PRKCB: variants seen among roughly 807,000 people sequenced by gnomAD.
PRKCB encodes protein kinase C beta type.
PRKCB carries 13 observed loss-of-function variants against 81.5 expected under a neutral mutation model. That is an observed-to-expected ratio of 0.16 (90% CI 0.10 to 0.25). The LOEUF (loss-of-function observed/expected upper bound fraction) is 0.25, where lower values mean the gene tolerates loss of function less well. PRKCB is among the 10% of genes least tolerant of loss of function. The pLI is 1.00. For missense variants in PRKCB, 509 were observed against 875.7 expected, an observed-to-expected ratio of 0.58 and a Z score of 5.29; for synonymous variants, 335 against 321.4, an observed-to-expected ratio of 1.04 and a Z score of -0.45.
At chr16:23,950,061 C>T (rs1351973277) in intron 2 of PRKCB, among the ~76,000 whole-genome samples, 4 of 147,404 alleles carry the variant, frequency 2.7e-5, no homozygotes, top group African/African-American at 7.4e-5. Flanking sequence ...CGCCGTGGGG[C>T]GGATGTGGCC....
intron 2 of PRKCB, among the ~76,000 whole-genome samples, chr16:23,946,613 G>C (rs768364885): frequency 0.018 from 2,676 of 152,248 alleles, 81 homozygotes; most frequent in African/African-American, 0.059. Context: ...CCAGAGAAAT[G>C]CTGATTCTTA....
intron 10 of PRKCB, among the ~76,000 whole-genome samples, chr16:24,158,048 G>C (rs1356288353): frequency 6.6e-6 from 1 of 152,156 alleles, no homozygotes; most frequent in Non-Finnish European, 1.5e-5. Context: ...CAGTTGTTGA[G>C]GGTCTGATGA....
At position 24,146,610 on chromosome 16, in the gene PRKCB, C is replaced by T. The variant is rs989277902; in HGVS notation, c.1066-8074C>T. 4.6e-5 allele frequency among the ~76,000 whole-genome samples: 7 copies of T among 152,276 alleles called. No individual in the cohort carries two copies. The South Asian group carries it at 8.3e-4, about 18-fold the overall frequency. On this transcript the variant is annotated intron_variant, in intron 9 of 16. Transcript: ENST00000643927. ...CAGTCAGGGGCCGAGATTCCAGGCACGCTTTGCCATTGGGATTCGCCAGTA... is the reference window on the plus strand; with the variant it reads ...CAGTCAGGGGCCGAGATTCCAGGCATGCTTTGCCATTGGGATTCGCCAGTA...
chr16:24,094,838 A>AGGAG (rs1966419879), intron 7 of PRKCB, among the ~76,000 whole-genome samples: 1 of 148,562 alleles, frequency 6.7e-6, no homozygotes, highest in Non-Finnish European at 1.5e-5. Flanking sequence ...GAAGGAAGGA[A>AGGAG]GGAAGGAAGG....
At chr16:24,019,675 G>A (rs118079272) in intron 3 of PRKCB, among the ~76,000 whole-genome samples, 1 of 151,892 alleles carries the variant, frequency 6.6e-6, no homozygotes, top group African/African-American at 2.4e-5. Context: ...GAGGCAGGAG[G>A]ATTGTTTGAA....
rs550730151 is a variant in PRKCB, at chr16:23,901,048, C to G, written c.205+63642C>G. 3.9e-5 allele frequency among the ~76,000 whole-genome samples: 6 copies of G among 152,180 alleles called. No individual in the cohort carries two copies. In the East Asian group the frequency reaches 1.2e-3, roughly 29 times the overall value. On this transcript the variant is annotated intron_variant, in intron 2 of 16. Coordinates refer to ENST00000643927, the MANE Select transcript of PRKCB (RefSeq NM_002738.7). Reference sequence around the variant, plus strand: ...TATGGGGATCCTGAGCTGATAGGGTCACTTCTGTCTCTCCCCCACACTGGA... The same window carrying G: ...TATGGGGATCCTGAGCTGATAGGGTGACTTCTGTCTCTCCCCCACACTGGA...
At chr16:23,933,917 ATCCT>A (rs755330134) in intron 2 of PRKCB, among the ~76,000 whole-genome samples, 2,817 of 131,670 alleles carry the variant, frequency 0.021, 151 homozygotes, top group African/African-American at 0.077. Context: ...CCATCCATCC[ATCCT>A]TCCATTCATC....
chr16:23,911,412 G>A (rs139198042), intron 2 of PRKCB, among the ~76,000 whole-genome samples: 172 of 152,026 alleles, frequency 1.1e-3, no homozygotes, highest in Non-Finnish European at 2.1e-3. Flanking sequence ...ACAGGCATGC[G>A]CTACCATGCC....
At chr16:24,085,225 G>A (rs192755832) in intron 5 of PRKCB, among the ~76,000 whole-genome samples, 13 of 151,780 alleles carry the variant, frequency 8.6e-5, no homozygotes, top group Non-Finnish European at 1.9e-4. Context: ...TAGAGGCTAT[G>A]CCATATCAGG....
intron 2 of PRKCB, among the ~76,000 whole-genome samples, chr16:23,912,597 C>G (rs1296078686): frequency 7.8e-6 from 1 of 127,950 alleles, no homozygotes; most frequent in East Asian, 2.6e-4. Context: ...ACTGCAGTCT[C>G]CGCCTCCTGG....
chr16:24,126,478 A>C (rs1047114825), intron 9 of PRKCB, among the ~76,000 whole-genome samples: 1 of 152,114 alleles, frequency 6.6e-6, no homozygotes, highest in Non-Finnish European at 1.5e-5. Context: ...CAGCCTCGAC[A>C]TGCTGGACTC....
At chr16:24,110,811 C>T (rs1966667137) in intron 7 of PRKCB, among the ~76,000 whole-genome samples, 1 of 152,194 alleles carries the variant, frequency 6.6e-6, no homozygotes, top group Admixed American at 6.5e-5. Context: ...TGAGCCACCA[C>T]GACGACCTGT....
chr16:24,063,912 A>G (rs992695499), intron 5 of PRKCB, among the ~76,000 whole-genome samples: 3 of 152,214 alleles, frequency 2.0e-5, no homozygotes, highest in Non-Finnish European at 2.9e-5. Flanking sequence ...TAGTCTGTCC[A>G]TGCTGTGGTA....
chr16:24,074,617 A>G (rs2141887481), intron 5 of PRKCB, among the ~76,000 whole-genome samples: 1 of 152,370 alleles, frequency 6.6e-6, no homozygotes, highest in South Asian at 2.1e-4. Flanking sequence ...CATGTATTTA[A>G]AATCAGTAGG....
chr16:24,129,473 C>T (rs536197195), intron 9 of PRKCB, among the ~76,000 whole-genome samples: 3 of 151,664 alleles, frequency 2.0e-5, no homozygotes, highest in South Asian at 2.1e-4. Flanking sequence ...CAAAAAAAAA[C>T]GAAGTGACTC....
chr16:23,881,333 A>G (rs1252887721), intron 2 of PRKCB, among the ~76,000 whole-genome samples: 1 of 146,456 alleles, frequency 6.8e-6, no homozygotes, highest in Non-Finnish European at 1.5e-5. Flanking sequence ...GTTCACTGCT[A>G]CATTTGCCTC....
intron 2 of PRKCB, among the ~76,000 whole-genome samples, chr16:23,942,320 C>G (rs958221055): frequency 2.6e-5 from 4 of 152,216 alleles, no homozygotes; most frequent in Non-Finnish European, 5.9e-5. Context: ...TCACACTTGG[C>G]ATGCCAGATC....
At chr16:24,144,794 G>A (rs188519699) in intron 9 of PRKCB, among the ~76,000 whole-genome samples, 173 of 152,304 alleles carry the variant, frequency 1.1e-3, no homozygotes, top group African/African-American at 3.9e-3. Flanking sequence ...GATTTTTAAA[G>A]CAACTTCTCC....
At chr16:23,851,372 T>C (rs1337180388) in intron 2 of PRKCB, among the ~76,000 whole-genome samples, 1 of 152,234 alleles carries the variant, frequency 6.6e-6, no homozygotes, top group Non-Finnish European at 1.5e-5. Context: ...TTGGCACCTT[T>C]ATCAAAAATC....
Sources: gnomAD v4.1 joint callset for allele counts (sites outside exome capture counted in the v4.1 genomes callset) on GRCh38, gnomAD v4.1.1 for gene constraint, MANE v1.5 for transcripts, NCBI Gene and HGNC (gene_info 2026-07-23, HGNC 2026-07-21) for gene names.